The following RBFOX1 variants were observed in gnomAD, a reference collection of about 807,000 sequenced individuals.
The protein encoded by RBFOX1 is RNA binding fox-1 homolog 1.
RBFOX1 carries 8 observed loss-of-function variants against 57.7 expected under a neutral mutation model. That is an observed-to-expected ratio of 0.14 (90% CI 0.08 to 0.25). RBFOX1 has a LOEUF of 0.25. Ranked by LOEUF, RBFOX1 falls within the 10% of genes least tolerant of loss-of-function variation. The probability of loss-of-function intolerance (pLI) is 1.00; values close to 1 mark genes in which losing one functional copy is unlikely to be tolerated. For missense variants in RBFOX1, 611 were observed against 548.5 expected (o/e 1.11, Z -1.14); for synonymous variants, 326 against 222.4 (o/e 1.47, Z -4.15).
At chr16:7,013,031 CTCTT>C (rs1290244188) in intron 3 of RBFOX1, among the ~76,000 whole-genome samples, 4 of 152,094 alleles carry the variant, frequency 2.6e-5, no homozygotes, top group African/African-American at 7.2e-5. Context: ...AGCAAGCCCT[CTCTT>C]TCTCTCCTTT....
At chr16:6,784,397 A>T (rs1372815262) in intron 3 of RBFOX1, among the ~76,000 whole-genome samples, 1 of 151,968 alleles carries the variant, frequency 6.6e-6, no homozygotes, top group African/African-American at 2.4e-5. Context: ...TTTGCTGTTG[A>T]GACACTCTGA....
chr16:5,767,162 G>A (rs1445963512), intron 3 of RBFOX1, among the ~76,000 whole-genome samples: 1 of 152,182 alleles, frequency 6.6e-6, no homozygotes, highest in Non-Finnish European at 1.5e-5. Flanking sequence ...CCCAATCACA[G>A]GTTAAGGGTG....
At chr16:7,662,962 C>G (rs959207871) in intron 12 of RBFOX1, among the ~76,000 whole-genome samples, 4 of 152,242 alleles carry the variant, frequency 2.6e-5, no homozygotes, top group Admixed American at 6.5e-5. Flanking sequence ...TCTAACTTGG[C>G]TCTTGAATGG....
chr16:6,819,349 C>A (rs1262500567), intron 3 of RBFOX1, among the ~76,000 whole-genome samples: 1 of 152,144 alleles, frequency 6.6e-6, no homozygotes, highest in Non-Finnish European at 1.5e-5. Context: ...TAATATTGGT[C>A]TACAGTGAAC....
chr16:5,572,712 G>A (rs915368045), intron 2 of RBFOX1, among the ~76,000 whole-genome samples: 6 of 152,148 alleles, frequency 3.9e-5, no homozygotes, highest in African/African-American at 1.4e-4. Flanking sequence ...TTTACAAAAG[G>A]TGGTCAAACA....
intron 4 of RBFOX1, among the ~76,000 whole-genome samples, chr16:5,873,579 T>C (rs1473639534): frequency 6.6e-6 from 1 of 152,222 alleles, no homozygotes; most frequent in Non-Finnish European, 1.5e-5. Flanking sequence ...TGACAGTCTC[T>C]TATAGTCTAG....
rs376876857 is a variant in RBFOX1, at chr16:5,927,784, C to T, written c.351+60449C>T. ...TTCAGCCTTGAAAAAGAAGGAATTT[C>T]TGTTATTTGTGACAAAATGGGTAAA... is the stretch of plus-strand genomic sequence containing the variant. On this transcript the variant is annotated intron_variant, in intron 4 of 19. Coordinates refer to the RBFOX1 transcript ENST00000641259. 1.2e-4 allele frequency among the ~76,000 whole-genome samples: 18 copies of T among 152,244 alleles called. 1 individual carries two copies. The highest frequency in any genetic ancestry group is 1.2e-3 in the East Asian group (6 of 5,172).
At chr16:7,509,386 A>C (rs1229583291) in intron 4 of RBFOX1, among the ~76,000 whole-genome samples, 1 of 133,288 alleles carries the variant, frequency 7.5e-6, no homozygotes. Flanking sequence ...CTAGGAGCCA[A>C]GCCCTGTGTG....
intron 1 of RBFOX1, among the ~76,000 whole-genome samples, chr16:5,454,731 C>CTTGCTTTCTTTCTTTTTCT (rs1555523969): frequency 5.8e-5 from 2 of 34,644 alleles, no homozygotes; most frequent in Non-Finnish European, 1.2e-4. Flanking sequence ...AAATCTCTCT[C>CTTGCTTTCTTTCTTTTTCT]TTTCTTTCTT....
chr16:5,314,460 A>G (rs2064177496), intron 1 of RBFOX1, among the ~76,000 whole-genome samples: 1 of 152,226 alleles, frequency 6.6e-6, no homozygotes, highest in African/African-American at 2.4e-5. Flanking sequence ...TAGGTGCAGC[A>G]GGCACAGTGA....
intron 4 of RBFOX1, among the ~76,000 whole-genome samples, chr16:7,059,282 C>T (rs113978912): frequency 3.3e-5 from 5 of 152,162 alleles, no homozygotes; most frequent in South Asian, 2.1e-4. Context: ...TGTAAGCCCC[C>T]CTTCTCCCCA....
chr16:7,428,020 A>G (rs2098638920), intron 4 of RBFOX1, among the ~76,000 whole-genome samples: 1 of 151,862 alleles, frequency 6.6e-6, no homozygotes, highest in Non-Finnish European at 1.5e-5. Context: ...TCTCCCTCCT[A>G]TTTGCTCATC....
At chr16:5,386,333 C>T (rs971956393) in intron 1 of RBFOX1, among the ~76,000 whole-genome samples, 3 of 151,872 alleles carry the variant, frequency 2.0e-5, no homozygotes, top group Non-Finnish European at 2.9e-5. Flanking sequence ...GGAGAAGGGT[C>T]CTGAGAGCAT....
At chr16:7,381,780 C>G (rs543113383) in intron 4 of RBFOX1, among the ~76,000 whole-genome samples, 1 of 152,244 alleles carries the variant, frequency 6.6e-6, no homozygotes, top group South Asian at 2.1e-4. Flanking sequence ...CTGTTTATAT[C>G]ACGGTTTCTC....
chr16:7,421,539 C>T (rs2098542756), intron 4 of RBFOX1, among the ~76,000 whole-genome samples: 1 of 152,184 alleles, frequency 6.6e-6, no homozygotes, highest in African/African-American at 2.4e-5. Flanking sequence ...AATCTGAGGT[C>T]TGATGATATT....
chr16:6,543,648 G>T (rs2096855057), intron 2 of RBFOX1, among the ~76,000 whole-genome samples: 1 of 152,140 alleles, frequency 6.6e-6, no homozygotes, highest in Non-Finnish European at 1.5e-5. Context: ...ATTTTTGCCT[G>T]GTTGGAAAGA....
intron 3 of RBFOX1, among the ~76,000 whole-genome samples, chr16:6,872,362 T>G (rs1034712642): frequency 6.6e-6 from 1 of 152,192 alleles, no homozygotes; most frequent in African/African-American, 2.4e-5. Flanking sequence ...TTTTTCTCTT[T>G]CTCGTAGTAA....
chr16:7,262,365 T>A (rs999401024), intron 4 of RBFOX1, among the ~76,000 whole-genome samples: 3 of 152,254 alleles, frequency 2.0e-5, no homozygotes, highest in Non-Finnish European at 4.4e-5. Context: ...TTTGAAAGTT[T>A]CACTTTGTTT....
intron 2 of RBFOX1, among the ~76,000 whole-genome samples, chr16:6,502,716 C>T (rs1428658526): frequency 6.6e-6 from 1 of 152,038 alleles, no homozygotes; most frequent in African/African-American, 2.4e-5. Context: ...CCACCGGACC[C>T]CTATGTAGGA....
Sources: gnomAD v4.1 joint callset for allele counts (sites outside exome capture counted in the v4.1 genomes callset) on GRCh38, gnomAD v4.1.1 for gene constraint, MANE v1.5 for transcripts, NCBI Gene and HGNC (gene_info 2026-07-23, HGNC 2026-07-21) for gene names.